Variants in SLC49A4 observed in about 807,000 individuals in gnomAD.
The protein encoded by SLC49A4 is solute carrier family 49 member 4, also known as disrupted in renal cancer protein 2.
A neutral mutation model predicts 50.6 loss-of-function variants in SLC49A4; 36 were observed. The ratio of observed to expected loss-of-function variants is 0.71; its 90% CI spans 0.55 to 0.94. The LOEUF (loss-of-function observed/expected upper bound fraction) is 0.94, where lower values mean the gene tolerates loss of function less well. SLC49A4 is among the 40% of genes least tolerant of loss of function. The probability of loss-of-function intolerance (pLI) is 0.00; values close to 1 mark genes in which losing one functional copy is unlikely to be tolerated. For missense variants in SLC49A4, 503 were observed against 605.7 expected, an observed-to-expected ratio of 0.83 and a Z score of 1.78; for synonymous variants, 248 against 241.2, an observed-to-expected ratio of 1.03 and a Z score of -0.26.
At chr3:122,876,823 A>G (rs1249143853) in intron 8 of SLC49A4, among the ~76,000 whole-genome samples, 1 of 152,222 alleles carries the variant, frequency 6.6e-6, no homozygotes, top group Non-Finnish European at 1.5e-5. Context: ...GAGCCTCACC[A>G]TTTGGTGCAG....
At chr3:122,809,584 GT>G (rs980625686) in intron 2 of SLC49A4, among the ~76,000 whole-genome samples, 1 of 152,004 alleles carries the variant, frequency 6.6e-6, no homozygotes, top group African/African-American at 2.4e-5. Context: ...ATTTTTGCTA[GT>G]TTTTCTTCTG....
At chr3:122,823,452 C>T (rs1244017332) in intron 2 of SLC49A4, among the ~76,000 whole-genome samples, 1 of 152,250 alleles carries the variant, frequency 6.6e-6, no homozygotes, top group Non-Finnish European at 1.5e-5. Flanking sequence ...CTATTGCCTT[C>T]TTTTTCTTTA....
chr3:122,874,388 T>C (rs1247064659), intron 8 of SLC49A4, among the ~76,000 whole-genome samples: 1 of 152,212 alleles, frequency 6.6e-6, no homozygotes, highest in Non-Finnish European at 1.5e-5. Flanking sequence ...GCAGATATTT[T>C]ATTTCTTTGG....
Position 122,857,984 on chromosome 3 carries a change from A to T in SLC49A4, c.1010+1610A>T, listed in dbSNP as rs1937009278. ...TTTAATTTGTTGAAATGGAAGTTCT[A>T]AAAAAATACTACCCTTACTCTGGGA... is the stretch of plus-strand genomic sequence containing the variant. On this transcript the variant is annotated intron_variant, in intron 6 of 8. Coordinates refer to ENST00000261038, the MANE Select transcript of SLC49A4 (RefSeq NM_032839.3). Among the ~76,000 whole-genome samples the T allele has an allele frequency of 2.0e-5, 3 of 152,114 alleles. No homozygotes were observed. The South Asian group carries it at 6.2e-4, about 31-fold the overall frequency.
chr3:122,817,747 A>ATTTTTTTT (rs77819385), intron 2 of SLC49A4, among the ~76,000 whole-genome samples: 5 of 71,892 alleles, frequency 7.0e-5, no homozygotes, highest in African/African-American at 1.1e-4. Flanking sequence ...CACCCAGCTA[A>ATTTTTTTT]TTTTTTTTTT....
intron 2 of SLC49A4, 94 bp downstream of exon 2, chr3:122,807,044 C>T (rs1028300335): frequency 2.4e-5 from 16 of 672,238 alleles, no homozygotes; most frequent in South Asian, 1.6e-4. Context: ...TTTATAGAAG[C>T]GTTTATTTTT....
At chr3:122,808,326 AT>A (rs1936252064) in intron 2 of SLC49A4, among the ~76,000 whole-genome samples, 1 of 152,232 alleles carries the variant, frequency 6.6e-6, no homozygotes, top group African/African-American at 2.4e-5. Flanking sequence ...GTAAAACAAA[AT>A]AGGAAAGAAG....
chr3:122,831,111 A>C (rs1364703439), intron 3 of SLC49A4, among the ~76,000 whole-genome samples: 1 of 152,138 alleles, frequency 6.6e-6, no homozygotes, highest in East Asian at 1.9e-4. Flanking sequence ...AGAATCAATA[A>C]AATGGAAAAT....
intron 5 of SLC49A4, among the ~76,000 whole-genome samples, chr3:122,854,104 G>C (rs1281598817): frequency 6.6e-6 from 1 of 152,212 alleles, no homozygotes; most frequent in East Asian, 1.9e-4. Flanking sequence ...GGAAGTGTTT[G>C]TGGGAGCCTA....
chr3:122,798,153 T>G (rs946547217), intron 1 of SLC49A4, among the ~76,000 whole-genome samples: 3 of 152,226 alleles, frequency 2.0e-5, no homozygotes, highest in Non-Finnish European at 4.4e-5. Flanking sequence ...CTCTTTAGTT[T>G]CCTCCAATCT....
At chr3:122,798,872 C>G (rs193246206) in intron 1 of SLC49A4, among the ~76,000 whole-genome samples, 1 of 152,026 alleles carries the variant, frequency 6.6e-6, no homozygotes, top group East Asian at 1.9e-4. Flanking sequence ...CTCCTAGGCT[C>G]AAGCAAGGCA....
rs140223721 is a variant in SLC49A4 at position 122,823,987 on chromosome 3, A to G, written c.438-2813A>G. Among the ~76,000 whole-genome samples, 7 of 152,322 alleles carry G rather than the reference A, an allele frequency of 4.6e-5. No individual in the cohort carries two copies. The East Asian group carries it at 9.6e-4, about 21-fold the overall frequency. Reference sequence around the variant, plus strand: ...GCTGAACCCTGAGGGACGCTAGGATATAAGTGTCAGAAGGAGCAGGACTAA... The same window carrying G: ...GCTGAACCCTGAGGGACGCTAGGATGTAAGTGTCAGAAGGAGCAGGACTAA... On this transcript the variant is annotated intron_variant, in intron 2 of 8. Transcript: ENST00000261038.
chr3:122,843,513 A>G (rs1271498435), intron 4 of SLC49A4, among the ~76,000 whole-genome samples: 2 of 152,362 alleles, frequency 1.3e-5, no homozygotes, highest in African/African-American at 2.4e-5. Context: ...GCTAATATCA[A>G]ATCAGTGTTT....
At chr3:122,872,137 T>C (rs1179936941) in intron 7 of SLC49A4, among the ~76,000 whole-genome samples, 1 of 152,200 alleles carries the variant, frequency 6.6e-6, no homozygotes, top group East Asian at 1.9e-4. Context: ...CTTTTAATTA[T>C]ATGATAGTGG....
At chr3:122,855,850 T>A (rs1286374019) in intron 5 of SLC49A4, among the ~76,000 whole-genome samples, 3 of 152,184 alleles carry the variant, frequency 2.0e-5, no homozygotes, top group Non-Finnish European at 4.4e-5. Flanking sequence ...AAGCTATACT[T>A]TTGAAACCCA....
intron 1 of SLC49A4, among the ~76,000 whole-genome samples, chr3:122,800,713 C>T (rs1040845081): frequency 2.0e-4 from 31 of 152,016 alleles, no homozygotes; most frequent in Middle Eastern, 3.4e-3. Flanking sequence ...TTAGTAGTAA[C>T]GGGAAAGAAG....
chr3:122,844,640 G>A (rs1326100032), intron 4 of SLC49A4, among the ~76,000 whole-genome samples: 1 of 152,030 alleles, frequency 6.6e-6, no homozygotes, highest in East Asian at 1.9e-4. Flanking sequence ...AAATTAGCTG[G>A]GTGTGCTGGC....
Position 122,879,637 on chromosome 3 carries a change from T to G in SLC49A4, c.*259T>G. 3.1e-6 allele frequency: 1 copy of G among 322,120 alleles called. No individual in the cohort carries two copies. Among genetic ancestry groups the G allele is most frequent in the Non-Finnish European group, 5.7e-6 (1 of 176,416 alleles). 20.0% of individuals were successfully genotyped at this position (322,120 alleles called of 1,614,324 possible). ...CTTCTGGGGTTGGAAGTGTGACTTC[T>G]TACACATAAAGCACTACCTAAGTAA... On this transcript the variant is annotated 3_prime_UTR_variant, in exon 9 of 9. Transcript: ENST00000261038.
At chr3:122,857,874 GT>G (rs1937008027) in intron 6 of SLC49A4, among the ~76,000 whole-genome samples, 1 of 152,010 alleles carries the variant, frequency 6.6e-6, no homozygotes, top group African/African-American at 2.4e-5. Flanking sequence ...ATGCTCCTTT[GT>G]CATTATTTTC....
Sources: gnomAD v4.1 joint callset for allele counts (sites outside exome capture counted in the v4.1 genomes callset) on GRCh38, gnomAD v4.1.1 for gene constraint, MANE v1.5 for transcripts, NCBI Gene and HGNC (gene_info 2026-07-23, HGNC 2026-07-21) for gene names.